ADAMTS3: variants seen among roughly 807,000 people sequenced by gnomAD.
The protein encoded by ADAMTS3 is ADAM metallopeptidase with thrombospondin type 1 motif 3.
Under a neutral mutation model 129.0 loss-of-function variants are expected in ADAMTS3, and 73 were observed. The observed-to-expected ratio is 0.57, with a 90% CI of 0.47 to 0.69. The LOEUF (loss-of-function observed/expected upper bound fraction) is 0.69, where lower values mean the gene tolerates loss of function less well. Among genes scored for constraint, ADAMTS3 ranks in the 30% least tolerant of loss-of-function variants. The pLI is 0.00. For missense variants in ADAMTS3, 1,457 were observed against 1,514.5 expected, an observed-to-expected ratio of 0.96 and a Z score of 0.63; for synonymous variants, 477 against 510.8, an observed-to-expected ratio of 0.93 and a Z score of 0.89.
At chr4:72,519,733 A>G (rs1720606603) in intron 3 of ADAMTS3, among the ~76,000 whole-genome samples, 1 of 152,116 alleles carries the variant, frequency 6.6e-6, no homozygotes, top group Non-Finnish European at 1.5e-5. Flanking sequence ...CTAGTTATAC[A>G]TTCGTCTAAA....
chr4:72,522,452 C>T (rs1210670447), intron 3 of ADAMTS3, among the ~76,000 whole-genome samples: 1 of 152,146 alleles, frequency 6.6e-6, no homozygotes, highest in Admixed American at 6.5e-5. Flanking sequence ...CATGAGATGA[C>T]AGATCCTTGC....
At chr4:72,315,447 A>G (rs1578574781) in intron 11 of ADAMTS3, among the ~76,000 whole-genome samples, 1 of 152,304 alleles carries the variant, frequency 6.6e-6, no homozygotes, top group South Asian at 2.1e-4. Context: ...GGAAAACGCA[A>G]TGTGGCCACA....
rs1720657949 is a variant in ADAMTS3 at position 72,521,008 on chromosome 4, T to C, written c.504+27470A>G. ...GGCTCCTCCCCACTTTTTTTCTTTT[T>C]TTTTTTTGAGACAGAGTCTCGTTCA... On this transcript the variant is annotated intron_variant, in intron 3 of 21. Transcript: ENST00000286657. Among the ~76,000 whole-genome samples, 4 of 151,906 alleles carry C rather than the reference T, an allele frequency of 2.6e-5. No individual in the cohort carries two copies. The South Asian group carries it at 8.3e-4, about 32-fold the overall frequency.
chr4:72,550,293 A>T (rs1043020378), intron 2 of ADAMTS3, among the ~76,000 whole-genome samples: 2 of 151,948 alleles, frequency 1.3e-5, no homozygotes, highest in African/African-American at 4.8e-5. Flanking sequence ...AGAGCATGAG[A>T]TCTGTAAATG....
chr4:72,530,811 AT>A (rs1426975694), intron 3 of ADAMTS3, among the ~76,000 whole-genome samples: 4 of 117,792 alleles, frequency 3.4e-5, no homozygotes, highest in African/African-American at 1.3e-4. Context: ...TATATTATAT[AT>A]TATATATTAT....
At chr4:72,330,321 C>T (rs1392852004) in intron 5 of ADAMTS3, among the ~76,000 whole-genome samples, 3 of 152,068 alleles carry the variant, frequency 2.0e-5, no homozygotes, top group Non-Finnish European at 4.4e-5. Flanking sequence ...CCATGCCTGG[C>T]CCCAAACTTT....
intron 4 of ADAMTS3, among the ~76,000 whole-genome samples, chr4:72,364,102 C>T (rs1461354666): frequency 6.6e-6 from 1 of 151,964 alleles, no homozygotes; most frequent in Non-Finnish European, 1.5e-5. Context: ...AGTCAGGGAA[C>T]CTAGGAATCA....
intron 4 of ADAMTS3, among the ~76,000 whole-genome samples, chr4:72,360,849 A>T (rs1225483405): frequency 6.6e-6 from 1 of 152,096 alleles, no homozygotes; most frequent in Admixed American, 6.6e-5. Context: ...ATTTGCTGCA[A>T]TAAAATATCT....
At chr4:72,559,288 C>T (rs6446836) in intron 2 of ADAMTS3, among the ~76,000 whole-genome samples, 141,634 of 151,696 alleles carry the variant, frequency 0.93, 67,184 homozygotes, top group East Asian at 1. Context: ...GAAGGGAATT[C>T]CAACAAAATA....
At chr4:72,525,002 T>C (rs1720771814) in intron 3 of ADAMTS3, among the ~76,000 whole-genome samples, 1 of 152,174 alleles carries the variant, frequency 6.6e-6, no homozygotes, top group African/African-American at 2.4e-5. Flanking sequence ...TAATTAGAAA[T>C]GTGTGACACT....
At chr4:72,554,772 T>A (rs1382820649) in intron 2 of ADAMTS3, among the ~76,000 whole-genome samples, 1 of 151,838 alleles carries the variant, frequency 6.6e-6, no homozygotes, top group Admixed American at 6.5e-5. Flanking sequence ...TTCTCACTAC[T>A]AAGTATTATA....
chr4:72,518,806 G>T (rs1409715817), intron 3 of ADAMTS3, among the ~76,000 whole-genome samples: 2 of 149,894 alleles, frequency 1.3e-5, no homozygotes, highest in African/African-American at 4.9e-5. Flanking sequence ...GCCAGTCTGT[G>T]TCTTTTAATT....
At chr4:72,445,704 T>G (rs1321380148) in intron 3 of ADAMTS3, among the ~76,000 whole-genome samples, 1 of 151,678 alleles carries the variant, frequency 6.6e-6, no homozygotes, top group Non-Finnish European at 1.5e-5. Flanking sequence ...TCAGCCCAAT[T>G]CAGTGTTAAA....
intron 3 of ADAMTS3, among the ~76,000 whole-genome samples, chr4:72,425,145 A>G (rs1722537246): frequency 6.6e-6 from 1 of 152,148 alleles, no homozygotes; most frequent in Admixed American, 6.6e-5. Context: ...GGCATTATCC[A>G]ATATTTCACA....
intron 6 of ADAMTS3, among the ~76,000 whole-genome samples, chr4:72,321,269 T>A (rs1719547609): frequency 6.6e-6 from 1 of 152,090 alleles, no homozygotes; most frequent in South Asian, 2.1e-4. Flanking sequence ...CCTCTCGGGT[T>A]CAAGCAATTC....
At chr4:72,467,674 T>TCTTA (rs1464156677) in intron 3 of ADAMTS3, among the ~76,000 whole-genome samples, 3 of 152,076 alleles carry the variant, frequency 2.0e-5, no homozygotes, top group African/African-American at 7.2e-5. Flanking sequence ...TAAGTCCAAG[T>TCTTA]CTTACCTCCT....
intron 3 of ADAMTS3, among the ~76,000 whole-genome samples, chr4:72,475,613 T>C (rs1256696240): frequency 2.6e-5 from 4 of 151,944 alleles, no homozygotes; most frequent in Non-Finnish European, 4.4e-5. Context: ...GACAAAAAAT[T>C]AGCAAGAATA....
At chr4:72,373,312 T>C (rs1721057629) in intron 4 of ADAMTS3, among the ~76,000 whole-genome samples, 1 of 152,078 alleles carries the variant, frequency 6.6e-6, no homozygotes, top group Non-Finnish European at 1.5e-5. Flanking sequence ...TCGCCTCAAA[T>C]ACAAGGTGAG....
chr4:72,556,345 T>C (rs997568152), intron 2 of ADAMTS3, among the ~76,000 whole-genome samples: 1 of 151,794 alleles, frequency 6.6e-6, no homozygotes, highest in African/African-American at 2.4e-5. Flanking sequence ...TCTAAGTATG[T>C]AGCAGAATGA....
Sources: gnomAD v4.1 joint callset for allele counts (sites outside exome capture counted in the v4.1 genomes callset) on GRCh38, gnomAD v4.1.1 for gene constraint, MANE v1.5 for transcripts, NCBI Gene and HGNC (gene_info 2026-07-23, HGNC 2026-07-21) for gene names.